The following LZTS1 variants were observed in gnomAD, a reference collection of about 807,000 sequenced individuals.
The protein encoded by LZTS1 is leucine zipper tumor suppressor 1.
A neutral mutation model predicts 45.8 loss-of-function variants in LZTS1; 31 were observed. The ratio of observed to expected loss-of-function variants is 0.68; its 90% confidence interval spans 0.51 to 0.91. The LOEUF (loss-of-function observed/expected upper bound fraction) is 0.91, where lower values mean the gene tolerates loss of function less well. LZTS1 is among the 40% of genes least tolerant of loss of function. The pLI is 0.00. For synonymous variants in LZTS1, 359 were observed against 357.3 expected (o/e 1.00, Z -0.05); for missense variants, 821 against 788.9 (o/e 1.04, Z -0.49).
chr8:20,284,284 C>T (rs1259882565), intron 1 of LZTS1, among the ~76,000 whole-genome samples: 1 of 152,188 alleles, frequency 6.6e-6, no homozygotes, highest in East Asian at 1.9e-4. Flanking sequence ...AAGCACCGGC[C>T]ATGCCAGGGC....
At chr8:20,282,299 G>T (rs1005487019) in intron 1 of LZTS1, among the ~76,000 whole-genome samples, 1 of 152,208 alleles carries the variant, frequency 6.6e-6, no homozygotes, top group Non-Finnish European at 1.5e-5. Context: ...GGTGGGAAAG[G>T]CTTGCCTCTG....
chr8:20,262,422 GTGTGTGTTCATGTGTGCACGTCTT>G (rs1439991687), intron 1 of LZTS1, among the ~76,000 whole-genome samples: 2 of 152,166 alleles, frequency 1.3e-5, no homozygotes, highest in East Asian at 1.9e-4. Context: ...AGGTGTGTGA[GTGTGTGTTCATGTGTGCACGTCTT>G]TGTGTGTGCA....
intron 2 of LZTS1, 133 bp downstream of exon 2, chr8:20,254,704 C>T: frequency 1.4e-6 from 1 of 717,044 alleles, no homozygotes; most frequent in South Asian, 1.9e-5. Flanking sequence ...TCCGCCGGCA[C>T]CCCTGCCGCT....
intron 1 of LZTS1, among the ~76,000 whole-genome samples, chr8:20,262,442 G>A (rs146233162): frequency 2.4e-4 from 37 of 152,198 alleles, no homozygotes; most frequent in African/African-American, 8.2e-4. Context: ...ATGTGTGCAC[G>A]TCTTTGTGTG....
intron 3 of LZTS1, among the ~76,000 whole-genome samples, chr8:20,251,111 A>AT (rs1799886955): frequency 4.7e-5 from 1 of 21,502 alleles, no homozygotes; most frequent in Non-Finnish European, 8.7e-5. Context: ...ATATATATAT[A>AT]TATATATATA....
In LZTS1 at chr8:20,249,653, A is replaced by AG. The variant is rs34870779; in HGVS notation, c.*68dup. 3 of 1,532,822 alleles carry AG rather than the reference A, an allele frequency of 2.0e-6. No individual in the cohort carries two copies. The East Asian group carries it at 6.8e-5, about 35-fold the overall frequency. The allele number at this position is 1,532,822 out of a possible 1,614,324, so 95.0% of individuals were successfully genotyped here. A position where few individuals can be genotyped will look rare whatever the true frequency, so the allele number is the denominator to read the frequency against. The stretch of plus-strand genomic sequence containing the variant: ...CTCAGAGGGGTCTGAATTGCTGAGC[A>AG]GGGGGGATGCACGGGAGAGCCCTGC... On this transcript the variant is annotated 3_prime_UTR_variant, in exon 4 of 4. Coordinates refer to ENST00000381569, the MANE Select transcript of LZTS1 (RefSeq NM_021020.5).
At chr8:20,282,409 A>T (rs536164746) in intron 1 of LZTS1, among the ~76,000 whole-genome samples, 3 of 152,354 alleles carry the variant, frequency 2.0e-5, no homozygotes, top group Admixed American at 1.3e-4. Flanking sequence ...TCTCACAGAT[A>T]TGACAGATAT....
At position 20,247,872 on chromosome 8, in the gene LZTS1, C is replaced by T. The variant is rs1799778901; in HGVS notation, c.*1850G>A. The T allele has an allele frequency of 6.5e-6, 1 of 152,842 alleles. No homozygotes were observed. Among genetic ancestry groups the T allele is most frequent in the Admixed American group, 6.5e-5 (1 of 15,280 alleles). 9.5% of individuals were successfully genotyped at this position (152,842 alleles called of 1,614,324 possible). A position where few individuals can be genotyped will look rare whatever the true frequency, so the allele number is the denominator to read the frequency against. On this transcript the variant is annotated 3_prime_UTR_variant, in exon 4 of 4. Transcript: ENST00000381569. ...AGTTCCCAGACGCTCCCCTCCTCATCTCAGCAGGCAGCAGGCGCAGGCATG... is the reference window on the plus strand; with the variant it reads ...AGTTCCCAGACGCTCCCCTCCTCATTTCAGCAGGCAGCAGGCGCAGGCATG...
intron 2 of LZTS1, 118 bp downstream of exon 2, chr8:20,254,719 T>G: frequency 4.9e-6 from 4 of 816,056 alleles, no homozygotes; most frequent in Non-Finnish European, 7.5e-6. Flanking sequence ...GCCGCTCTGG[T>G]TTTGAGGAGT....
At chr8:20,292,139 G>A (rs577503268) in intron 1 of LZTS1, among the ~76,000 whole-genome samples, 36 of 152,360 alleles carry the variant, frequency 2.4e-4, no homozygotes, top group African/African-American at 7.0e-4. Context: ...ACGCCTGAGC[G>A]GGTACCAGGC....
chr8:20,300,232 C>T (rs534788200), intron 1 of LZTS1, among the ~76,000 whole-genome samples: 44 of 152,324 alleles, frequency 2.9e-4, no homozygotes, highest in Non-Finnish European at 5.0e-4. Context: ...GAACAGTGCT[C>T]CCTGCCAAAG....
chr8:20,289,998 T>C (rs1415065575), intron 1 of LZTS1: 1 of 152,196 alleles, frequency 6.6e-6, no homozygotes, highest in Non-Finnish European at 1.5e-5. Flanking sequence ...AGGCAGCTCT[T>C]TGATATCTCC....
At position 20,283,756 on chromosome 8, in the gene LZTS1, G is replaced by A. The variant is rs185032311; in HGVS notation, c.-135+19984C>T. On this transcript the variant is annotated intron_variant, in intron 1 of 3. Transcript: ENST00000381569. ...ACACTGTTGAGATGTTAGCTTGGCT[G>A]GAGTGCAGGATGGAGGGACTCAGGG... 1.9e-4 allele frequency among the ~76,000 whole-genome samples: 29 copies of A among 152,238 alleles called. 1 individual carries two copies. The highest frequency in any genetic ancestry group is 8.3e-4 in the South Asian group (4 of 4,814).
intron 1 of LZTS1, among the ~76,000 whole-genome samples, chr8:20,261,034 C>A (rs1800217446): frequency 6.6e-6 from 1 of 152,200 alleles, no homozygotes; most frequent in South Asian, 2.1e-4. Context: ...CTGCCCCCGT[C>A]CAACCTGCTG....
rs1313482213 is a variant in LZTS1, at chr8:20,250,161, T to C, written c.1352A>G (p.Glu451Gly). The change falls in exon 4 of 4, where the codon GAG becomes GGG. Residue 451 changes from glutamate to glycine, a missense_variant. Physicochemically the swap from Glu to Gly is moderately conservative, Grantham distance 98 (BLOSUM62 -2). Transcript: ENST00000381569. Reference protein sequence around the residue: ...RTKGLELEVCENELQRKKNEA... With the variant: ...RTKGLELEVCGNELQRKKNEA... The stretch of plus-strand genomic sequence containing the variant: ...GTTCTTCTTGCGCTGCAGCTCATTC[T>C]CACAGACCTCCAGCTCCAGGCCCTT... 1.9e-6 allele frequency: 3 copies of C among 1,610,008 alleles called. No homozygotes were observed. In the South Asian group the frequency reaches 3.3e-5, roughly 18 times the overall value.
At chr8:20,257,894 G>A (rs756046525) in intron 1 of LZTS1, among the ~76,000 whole-genome samples, 41 of 152,002 alleles carry the variant, frequency 2.7e-4, no homozygotes, top group Non-Finnish European at 5.1e-4. Flanking sequence ...GGCTGGTCTC[G>A]AACTCCTGAC....
chr8:20,268,631 C>T (rs2128895627), intron 1 of LZTS1, among the ~76,000 whole-genome samples: 1 of 152,058 alleles, frequency 6.6e-6, no homozygotes, highest in African/African-American at 2.4e-5. Context: ...GCCTGAAGGC[C>T]TACATGAGCA....
In LZTS1 at chr8:20,248,299, G is replaced by C. The variant is rs1799789829; in HGVS notation, c.*1423C>G. 6.6e-6 allele frequency: 1 copy of C among 152,314 alleles called. No individual in the cohort carries two copies. The highest frequency in any genetic ancestry group is 6.5e-5 in the Admixed American group (1 of 15,280). 9.4% of individuals were successfully genotyped at this position (152,314 alleles called of 1,614,324 possible). On this transcript the variant is annotated 3_prime_UTR_variant, in exon 4 of 4. Transcript: ENST00000381569. ...CATGCCACTGCACTCCAGCCTGGGGGACAGAGCAAGACCCTGTCTCATAAA... is the reference window on the plus strand; with the variant it reads ...CATGCCACTGCACTCCAGCCTGGGGCACAGAGCAAGACCCTGTCTCATAAA...
intron 1 of LZTS1, among the ~76,000 whole-genome samples, chr8:20,261,967 C>T (rs182060987): frequency 6.6e-5 from 10 of 152,344 alleles, no homozygotes; most frequent in South Asian, 2.1e-4. Flanking sequence ...CCTTCTCCCC[C>T]TCTCCGTCCC....
Sources: allele counts gnomAD v4.1 joint callset (sites outside exome capture counted in the v4.1 genomes callset), GRCh38; gene constraint gnomAD v4.1.1; transcripts MANE v1.5; gene names NCBI Gene and HGNC (gene_info 2026-07-23, HGNC 2026-07-21).